Variants in MET observed in about 807,000 individuals in gnomAD.
MET encodes the protein MET proto-oncogene, receptor tyrosine kinase.
A neutral mutation model predicts 133.1 loss-of-function variants in MET; 48 were observed. The observed-to-expected ratio is 0.36, with a 90% confidence interval of 0.29 to 0.46. The LOEUF (loss-of-function observed/expected upper bound fraction) is 0.46. MET is among the 20% of genes least tolerant of loss of function. The pLI is 1.00. For missense variants in MET, 1,442 were observed against 1,695.9 expected (o/e 0.85, Z 2.63); for synonymous variants, 628 against 616.5 (o/e 1.02, Z -0.28).
At chr7:116,752,254 G>A (rs1562917788) in intron 5 of MET, among the ~76,000 whole-genome samples, 1 of 152,072 alleles carries the variant, frequency 6.6e-6, no homozygotes, top group South Asian at 2.1e-4. Flanking sequence ...TTTTTGTTCT[G>A]TTTTGTTTTT....
intron 2 of MET, among the ~76,000 whole-genome samples, chr7:116,730,708 G>T (rs534699983): frequency 6.6e-6 from 1 of 152,176 alleles, no homozygotes; most frequent in Non-Finnish European, 1.5e-5. Flanking sequence ...ATGACACTTA[G>T]ATTTCTGACT....
At chr7:116,730,595 T>C (rs1792965797) in intron 2 of MET, among the ~76,000 whole-genome samples, 1 of 152,044 alleles carries the variant, frequency 6.6e-6, no homozygotes, top group Non-Finnish European at 1.5e-5. Context: ...AGGAAGGGCA[T>C]GAAGGAGAAG....
intron 1 of MET, among the ~76,000 whole-genome samples, chr7:116,692,763 T>G (rs1411940340): frequency 6.6e-6 from 1 of 152,228 alleles, no homozygotes; most frequent in South Asian, 2.1e-4. Flanking sequence ...GCCAGTGATA[T>G]TACCTTAACT....
In MET at chr7:116,718,497, CT is replaced by C. The variant is rs945534705; in HGVS notation, c.1201-13161del. ...ACGATTATTTTAGAAGTGGATAAGC[CT>C]TTTTTTTTTATACTTTAAGTTTTAG... is the stretch of plus-strand genomic sequence containing the variant. On this transcript the variant is annotated intron_variant, in intron 2 of 20. Coordinates refer to ENST00000397752, the MANE Select transcript of MET (RefSeq NM_000245.4). Among the ~76,000 whole-genome samples the C allele has an allele frequency of 2.0e-3, 300 of 147,262 alleles. 1 individual carries two copies. Among genetic ancestry groups the C allele is most frequent in the African/African-American group, 6.0e-3 (243 of 40,242 alleles).
intron 2 of MET, among the ~76,000 whole-genome samples, chr7:116,702,412 T>C (rs1166311950): frequency 6.6e-6 from 1 of 152,074 alleles, no homozygotes; most frequent in Non-Finnish European, 1.5e-5. Flanking sequence ...ATATACCCCA[T>C]CCAGACCTCA....
In MET at chr7:116,740,097, C is replaced by T. The variant is rs751742182; in HGVS notation, c.1527+13C>T. 5 of 1,613,826 alleles carry T rather than the reference C, an allele frequency of 3.1e-6. No individual in the cohort carries two copies. In the African/African-American group the frequency reaches 4.0e-5, roughly 13 times the overall value. ...CACTGGGAAGAAGGTAAGCTGTTCC[C>T]ACAGGGAATTTCCATAGACGTGGTT... On this transcript the variant is annotated intron_variant, in intron 4 of 20. Coordinates refer to ENST00000397752, the MANE Select transcript of MET (RefSeq NM_000245.4).
In MET at chr7:116,723,895, A is replaced by G. The variant is rs574345948; in HGVS notation, c.1201-7773A>G. 5.7e-4 allele frequency among the ~76,000 whole-genome samples: 87 copies of G among 152,340 alleles called. 2 individuals carry two copies. The highest frequency in any genetic ancestry group is 5.7e-3 in the Admixed American group (87 of 15,306). On this transcript the variant is annotated intron_variant, in intron 2 of 20. Coordinates refer to ENST00000397752, the MANE Select transcript of MET (RefSeq NM_000245.4). ...CCACTGCTCTCTTCAAAGCTGTCAG[A>G]CAGGGACATTTAAGTCTGCAGAGGT...
chr7:116,722,057 G>A (rs1293962930), intron 2 of MET, among the ~76,000 whole-genome samples: 143 of 150,278 alleles, frequency 9.5e-4, no homozygotes, highest in African/African-American at 2.7e-3. Context: ...TTTCTGTCTC[G>A]TTGATCTGTC....
intron 19 of MET, among the ~76,000 whole-genome samples, chr7:116,795,425 T>C (rs977048779): frequency 6.6e-6 from 1 of 152,256 alleles, no homozygotes; most frequent in Non-Finnish European, 1.5e-5. Context: ...TCATGTAGAC[T>C]TCAGATATTC....
chr7:116,720,679 A>AT (rs1441134243), intron 2 of MET, among the ~76,000 whole-genome samples: 1 of 130,906 alleles, frequency 7.6e-6, no homozygotes, highest in Non-Finnish European at 1.6e-5. Flanking sequence ...TAATTTATTG[A>AT]GAGTTTTTAA....
At position 116,731,872 on chromosome 7, in the gene MET, T is replaced by G. The variant is rs772367628; in HGVS notation, c.1392+13T>G. On this transcript the variant is annotated intron_variant, in intron 3 of 20. Transcript: ENST00000397752. ...TCGCTTCATGCAGGTAAGTGCTTTC[T>G]GAGAGTAGCTGTGTCTGTTCTATCT... 3.7e-6 allele frequency: 6 copies of G among 1,612,956 alleles called. No individual in the cohort carries two copies. The African/African-American group carries it at 8.0e-5, about 22-fold the overall frequency.
intron 2 of MET, among the ~76,000 whole-genome samples, chr7:116,730,771 G>T (rs1181026243): frequency 6.6e-6 from 1 of 152,156 alleles, no homozygotes; most frequent in Non-Finnish European, 1.5e-5. Flanking sequence ...AGTGTCCTAA[G>T]GTCAGGCAGG....
intron 2 of MET, among the ~76,000 whole-genome samples, chr7:116,722,891 C>T (rs1483082485): frequency 1.3e-5 from 2 of 148,870 alleles, no homozygotes; most frequent in Non-Finnish European, 3.0e-5. Context: ...GTAACCCGAC[C>T]TTTCTCTCTG....
Position 116,758,580 on chromosome 7 carries a change from C to CCCATTGT in MET, c.2226_2232dup (p.Tyr745HisfsTer4). On this transcript the variant is annotated frameshift_variant, in exon 9 of 21. Transcript: ENST00000397752. LOFTEE classifies it high-confidence loss of function. The stretch of plus-strand genomic sequence containing the variant: ...AAGCATCTTCAGTTACCGTGAAGAT[C>CCCATTGT]CCATTGTCTATGAAATTCATCCAAC... 6.2e-7 allele frequency: 1 copy of CCCATTGT among 1,613,620 alleles called. No individual in the cohort carries two copies. The highest frequency in any genetic ancestry group is 8.5e-7 in the Non-Finnish European group (1 of 1,179,798).
intron 2 of MET, among the ~76,000 whole-genome samples, chr7:116,703,179 A>C (rs550291205): frequency 3.3e-5 from 5 of 152,148 alleles, no homozygotes; most frequent in South Asian, 2.1e-4. Flanking sequence ...ACAAATGCCC[A>C]CTTATAGAAT....
At chr7:116,759,587 A>G in intron 10 of MET, 97 bp downstream of exon 10, 1 of 1,370,640 alleles carries the variant, frequency 7.3e-7, no homozygotes, top group Non-Finnish European at 1.0e-6. Context: ...TTTCGCCTTT[A>G]AGGTTTGCTA....
intron 19 of MET, among the ~76,000 whole-genome samples, chr7:116,793,076 G>C (rs1225747315): frequency 6.6e-6 from 1 of 152,004 alleles, no homozygotes; most frequent in East Asian, 1.9e-4. Context: ...TTGTGAATCA[G>C]CTTCTCCTTT....
At chr7:116,789,389 CT>C (rs1795413997) in intron 19 of MET, among the ~76,000 whole-genome samples, 1 of 152,208 alleles carries the variant, frequency 6.6e-6, no homozygotes, top group Non-Finnish European at 1.5e-5. Flanking sequence ...CACCTCCTGG[CT>C]TTGATTAATG....
At chr7:116,719,315 C>A (rs1792382064) in intron 2 of MET, among the ~76,000 whole-genome samples, 1 of 151,252 alleles carries the variant, frequency 6.6e-6, no homozygotes, top group Non-Finnish European at 1.5e-5. Context: ...CTGTTCATAT[C>A]CTTCGCCCAC....
Sources: allele counts gnomAD v4.1 joint callset (sites outside exome capture counted in the v4.1 genomes callset), GRCh38; gene constraint gnomAD v4.1.1; transcripts MANE v1.5; gene names NCBI Gene and HGNC (gene_info 2026-07-23, HGNC 2026-07-21).